The following TP73 variants were observed in gnomAD, a reference collection of about 807,000 sequenced individuals.
TP73 encodes the protein p53-like transcription factor.
TP73 carries 25 observed loss-of-function variants against 62.5 expected under a neutral mutation model. The ratio of observed to expected loss-of-function variants is 0.40; its 90% CI spans 0.29 to 0.56. TP73 has a LOEUF of 0.56. Ranked by LOEUF, TP73 falls within the 20% of genes least tolerant of loss-of-function variation. The probability of loss-of-function intolerance (pLI) is 0.46; values close to 1 mark genes in which losing one functional copy is unlikely to be tolerated. For synonymous variants in TP73, 423 were observed against 377.5 expected, an observed-to-expected ratio of 1.12 and a Z score of -1.40; for missense variants, 754 against 913.3, an observed-to-expected ratio of 0.83 and a Z score of 2.25.
chr1:3,672,060 G>A lies in TP73; in HGVS notation c.-33-10273G>A, dbSNP rs1025147887. On this transcript the variant is annotated intron_variant, in intron 1 of 13. Transcript: ENST00000378295. The surrounding 1 kb of genome is among the most constrained non-coding windows in gnomAD (Gnocchi z 5.3). ...CTGGAAGGGCACGTCTGCTCAGACC[G>A]CAGGGTAGGGAGTGGTCAGCAGGGA... is the stretch of plus-strand genomic sequence containing the variant. 6.6e-5 allele frequency among the ~76,000 whole-genome samples: 10 copies of A among 152,260 alleles called. No individual in the cohort carries two copies. In the South Asian group the frequency reaches 8.3e-4, roughly 13 times the overall value.
At position 3,699,581 on chromosome 1, in the gene TP73, G is replaced by A. The variant is rs951902221; in HGVS notation, c.187-7968G>A. Reference sequence around the variant, plus strand: ...CTCAAACATGCTGCCTTCTGGAAACGTCTGTCACGGGCACACCATGCACCA... The same window carrying A: ...CTCAAACATGCTGCCTTCTGGAAACATCTGTCACGGGCACACCATGCACCA... On this transcript the variant is annotated intron_variant, in intron 3 of 13. Coordinates refer to ENST00000378295, the MANE Select transcript of TP73 (RefSeq NM_005427.4). The surrounding 1 kb of genome is among the most constrained non-coding windows in gnomAD (Gnocchi z 4.1). 2.6e-5 allele frequency among the ~76,000 whole-genome samples: 4 copies of A among 152,202 alleles called. No homozygotes were observed. The highest frequency in any genetic ancestry group is 2.1e-4 in the South Asian group (1 of 4,830).
intron 1 of TP73, among the ~76,000 whole-genome samples, chr1:3,664,125 A>G (rs1645059741): frequency 6.6e-6 from 1 of 152,206 alleles, no homozygotes; most frequent in African/African-American, 2.4e-5. Context: ...AGGCTGGTGC[A>G]GCCCCTCTGC....
At chr1:3,713,247 C>T (rs1337763072) in intron 4 of TP73, among the ~76,000 whole-genome samples, 1 of 152,214 alleles carries the variant, frequency 6.6e-6, no homozygotes, top group Non-Finnish European at 1.5e-5. Context: ...TGGAGTGCTC[C>T]GAGGCTGGCG....
In TP73 at chr1:3,733,010, C is replaced by T. The variant is rs1275983986; in HGVS notation, c.1842C>T (p.Phe614=). ...CTGACGAGTGGGCGGACTTCGGCTT[C>T]GACCTGCCCGACTGCAAGGCCCGCA... ...GGPDEWADFG[F]DLPDCKARKQ... The change falls in exon 14 of 14, where the codon TTC becomes TTT. Residue 614 remains phenylalanine (F), a synonymous_variant. Coordinates refer to ENST00000378295, the MANE Select transcript of TP73 (RefSeq NM_005427.4). 7.0e-6 allele frequency: 11 copies of T among 1,561,648 alleles called. No homozygotes were observed. Among genetic ancestry groups the T allele is most frequent in the South Asian group, 3.5e-5 (3 of 86,056 alleles).
intron 4 of TP73, among the ~76,000 whole-genome samples, chr1:3,717,468 C>G: frequency 6.6e-6 from 1 of 152,342 alleles, no homozygotes; most frequent in African/African-American, 2.4e-5. Context: ...TGTCAACAGC[C>G]GAAGATAAAT....
chr1:3,676,293 GA>G (rs1322935559), intron 1 of TP73, among the ~76,000 whole-genome samples: 1 of 148,298 alleles, frequency 6.7e-6, no homozygotes, highest in East Asian at 2.0e-4. Flanking sequence ...AAGGGACAGG[GA>G]GGGGACAGAG....
chr1:3,704,907 C>A (rs1209789752), intron 3 of TP73, among the ~76,000 whole-genome samples: 1 of 152,238 alleles, frequency 6.6e-6, no homozygotes, highest in Non-Finnish European at 1.5e-5. Flanking sequence ...GACACCCAAC[C>A]AGACACCAGG....
intron 3 of TP73, among the ~76,000 whole-genome samples, chr1:3,706,826 G>A (rs941774054): frequency 3.9e-5 from 6 of 152,144 alleles, no homozygotes; most frequent in Admixed American, 1.3e-4. Flanking sequence ...TGGTCCTGGC[G>A]GGGGAGCTGC....
At chr1:3,705,060 A>G (rs1417279471) in intron 3 of TP73, among the ~76,000 whole-genome samples, 1 of 152,186 alleles carries the variant, frequency 6.6e-6, no homozygotes, top group Non-Finnish European at 1.5e-5. Context: ...TTTTTGAGAC[A>G]AAGTCTTGCC....
rs1276244709 is a variant in TP73, at chr1:3,732,736, G to A, written c.1579-11G>A. On this transcript the variant is annotated splice_polypyrimidine_tract_variant and intron_variant, in intron 13 of 13. Coordinates refer to ENST00000378295, the MANE Select transcript of TP73 (RefSeq NM_005427.4). ...ACTGCCCCCTGCCCCTAATGCGCCG[G>A]CCTCTCGCAGGACCTGGGGGCCCTG... 6.4e-7 allele frequency: 1 copy of A among 1,554,422 alleles called. No homozygotes were observed. The highest frequency in any genetic ancestry group is 1.8e-5 in the Admixed American group (1 of 54,596).
At chr1:3,668,428 G>T (rs1011195692) in intron 1 of TP73, among the ~76,000 whole-genome samples, 3 of 152,026 alleles carry the variant, frequency 2.0e-5, no homozygotes, top group Non-Finnish European at 2.9e-5. Flanking sequence ...TTGGGGCGGG[G>T]CTCCTCAAAA....
Position 3,732,786 on chromosome 1 carries a change from A to G in TP73, c.1618A>G (p.Thr540Ala), listed in dbSNP as rs1642236266. ...GAAGATCCCCGAGCAGTACCGCATG[A>G]CCATCTGGCGGGGCCTGCAGGACCT... The part of the protein sequence containing the change: ...ALKIPEQYRM[T>A]IWRGLQDLKQ... Residue 540 changes from threonine (T) to alanine (A), a missense_variant, in exon 14 of 14, where the codon ACC becomes GCC. Transcript: ENST00000378295. The G allele has an allele frequency of 6.2e-7, 1 of 1,602,182 alleles. No individual in the cohort carries two copies. Among genetic ancestry groups the G allele is most frequent in the Non-Finnish European group, 8.5e-7 (1 of 1,172,410 alleles).
At chr1:3,707,413 G>A in intron 3 of TP73, 136 bp from the exon 4 acceptor site, 1 of 1,269,308 alleles carries the variant, frequency 7.9e-7, no homozygotes, top group Non-Finnish European at 1.1e-6. Flanking sequence ...TTGGGATGGG[G>A]GAGAGACCCG....
In TP73 at chr1:3,710,091, C is replaced by T. The variant is rs113212312; in HGVS notation, c.429+2300C>T. On this transcript the variant is annotated intron_variant, in intron 4 of 13. Coordinates refer to ENST00000378295, the MANE Select transcript of TP73 (RefSeq NM_005427.4). The stretch of plus-strand genomic sequence containing the variant: ...GCTGGTCTGCTCAGACCAGGCATCC[C>T]GGGCTGGTCAGCTGCACCAGCGGGA... Among the ~76,000 whole-genome samples the T allele has an allele frequency of 6.0e-3, 901 of 150,616 alleles. 10 individuals are homozygous for T. Among genetic ancestry groups the T allele is most frequent in the African/African-American group, 0.02 (814 of 41,088 alleles).
intron 6 of TP73, among the ~76,000 whole-genome samples, chr1:3,724,885 G>A (rs1641376523): frequency 1.3e-5 from 2 of 152,228 alleles, no homozygotes; most frequent in Admixed American, 1.3e-4. Flanking sequence ...CGAGCCTCGT[G>A]GCGCATGCCT....
intron 4 of TP73, among the ~76,000 whole-genome samples, chr1:3,715,711 C>A (rs562770124): frequency 1.3e-5 from 2 of 152,132 alleles, no homozygotes; most frequent in Non-Finnish European, 2.9e-5. Context: ...CTTGGGCAAA[C>A]GCTGCCTCGC....
At chr1:3,724,765 T>C (rs574211986) in intron 6 of TP73, among the ~76,000 whole-genome samples, 2 of 152,370 alleles carry the variant, frequency 1.3e-5, no homozygotes, top group African/African-American at 4.8e-5. Context: ...ACGCCTGTAA[T>C]CCAAGCACTT....
chr1:3,683,525 T>G (rs1479912509), intron 3 of TP73, among the ~76,000 whole-genome samples: 2 of 152,144 alleles, frequency 1.3e-5, no homozygotes, highest in East Asian at 3.9e-4. Context: ...CTTCTACTGG[T>G]GGATCCAGGT....
In TP73 at chr1:3,733,382, T is replaced by C; in HGVS notation, c.*303T>C. ...GCCCCGGCGTGCTCCATGGCAGGCG[T>C]GGGTGGGGACCGCAGCGTCGGCTCC... On this transcript the variant is annotated 3_prime_UTR_variant, in exon 14 of 14. Coordinates refer to ENST00000378295, the MANE Select transcript of TP73 (RefSeq NM_005427.4). 1 of 459,060 alleles carries C rather than the reference T, an allele frequency of 2.2e-6. No homozygotes were observed. The highest frequency in any genetic ancestry group is 3.5e-5 in the East Asian group (1 of 28,528). 28.4% of individuals were successfully genotyped at this position (459,060 alleles called of 1,614,324 possible). A position where few individuals can be genotyped will look rare whatever the true frequency, so the allele number is the denominator to read the frequency against.
Sources: gnomAD v4.1 joint callset for allele counts (sites outside exome capture counted in the v4.1 genomes callset) on GRCh38, gnomAD v4.1.1 for gene constraint, Gnocchi (gnomAD v3.1) non-coding constraint, MANE v1.5 for transcripts, NCBI Gene and HGNC (gene_info 2026-07-23, HGNC 2026-07-21) for gene names.